PRR27: variants seen among roughly 807,000 people sequenced by gnomAD.
PRR27 encodes the protein proline-rich protein 27.
A neutral mutation model predicts 16.8 loss-of-function variants in PRR27; 12 were observed. The ratio of observed to expected loss-of-function variants is 0.71; its 90% CI spans 0.46 to 1.16. The LOEUF (loss-of-function observed/expected upper bound fraction) is 1.16. Among genes scored for constraint, PRR27 ranks in the 50% most tolerant of loss-of-function variants. The pLI is 0.00. For synonymous variants in PRR27, 100 were observed against 98.4 expected (o/e 1.02, Z -0.10); for missense variants, 277 against 273.3 (o/e 1.01, Z -0.10).
chr4:70,154,423 G>A lies in PRR27; in HGVS notation c.48G>A (p.Arg16=). 1.9e-6 allele frequency: 3 copies of A among 1,611,990 alleles called. No individual in the cohort carries two copies. The highest frequency in any genetic ancestry group is 1.3e-5 in the African/African-American group (1 of 74,986). Residue 16 remains arginine, a synonymous_variant, in exon 1 of 5, where the codon AGG becomes AGA. Transcript: ENST00000344526. ...GCATTGTATGTGTTGCTTTTGCAAG[G>A]AAGGTAAGTAAATGGACTTCCAAAA... ...WACIVCVAFA[R]KRRFPFIGED...
chr4:70,154,867 G>A (rs1217533959), intron 1 of PRR27: 14 of 776,074 alleles, frequency 1.8e-5, no homozygotes, highest in Admixed American at 2.4e-5. Flanking sequence ...GGACTGTAAC[G>A]TAATATAGTG....
At chr4:70,156,146 A>C in intron 2 of PRR27, 69 bp downstream of exon 2, 1 of 821,370 alleles carries the variant, frequency 1.2e-6, no homozygotes, top group Non-Finnish European at 1.8e-6. Context: ...ACATTTTAAA[A>C]CTCTCTGATT....
At position 70,158,531 on chromosome 4, in the gene PRR27, T is replaced by C; in HGVS notation, c.279T>C (p.Phe93=). The C allele has an allele frequency of 1.2e-6, 2 of 1,614,162 alleles. No individual in the cohort carries two copies. Among genetic ancestry groups the C allele is most frequent in the South Asian group, 1.1e-5 (1 of 91,088 alleles). Residue 93 remains phenylalanine, a synonymous_variant, in exon 3 of 5, where the codon TTT becomes TTC. Coordinates refer to ENST00000344526, the MANE Select transcript of PRR27 (RefSeq NM_214711.4). Reference sequence around the variant, plus strand: ...CCTATGTCTATCACATCCGTGGTTTTCCCTTAGCTACTCAGTTGAATGTTC... The same window carrying C: ...CCTATGTCTATCACATCCGTGGTTTCCCCTTAGCTACTCAGTTGAATGTTC... ...GFPYVYHIRG[F]PLATQLNVPP...
chr4:70,154,939 G>T, intron 1 of PRR27: 2 of 354,634 alleles, frequency 5.6e-6, no homozygotes, highest in South Asian at 2.6e-5. Context: ...CAAATCTGAT[G>T]GCAAATTCTT....
At chr4:70,161,674 A>T (rs1728653166) in intron 4 of PRR27, 44 bp downstream of exon 4, 3 of 916,990 alleles carry the variant, frequency 3.3e-6, no homozygotes, top group African/African-American at 1.7e-5. Flanking sequence ...ATAGATAAAG[A>T]GGTTAAATCT....
chr4:70,156,835 T>A (rs1578219154), intron 2 of PRR27, among the ~76,000 whole-genome samples: 1 of 151,830 alleles, frequency 6.6e-6, no homozygotes, highest in Admixed American at 6.6e-5. Flanking sequence ...TTGGAAATAA[T>A]GTTTTAAAAT....
In PRR27 at chr4:70,165,088, T is replaced by C. The variant is rs930255835; in HGVS notation, c.*2427T>C. The C allele has an allele frequency of 1.3e-5, 2 of 152,038 alleles. No individual in the cohort carries two copies. The highest frequency in any genetic ancestry group is 2.9e-5 in the Non-Finnish European group (2 of 67,940). 9.4% of individuals were successfully genotyped at this position (152,038 alleles called of 1,614,324 possible). A position where few individuals can be genotyped will look rare whatever the true frequency, so the allele number is the denominator to read the frequency against. On this transcript the variant is annotated 3_prime_UTR_variant, in exon 5 of 5. Coordinates refer to ENST00000344526, the MANE Select transcript of PRR27 (RefSeq NM_214711.4). ...CCTGACTACATTGAGATGAGTTAGA[T>C]TGAGTGAAAGGTAAACACTAACATT...
Sources: gnomAD v4.1 joint callset for allele counts (sites outside exome capture counted in the v4.1 genomes callset) on GRCh38, gnomAD v4.1.1 for gene constraint, MANE v1.5 for transcripts, NCBI Gene and HGNC (gene_info 2026-07-23, HGNC 2026-07-21) for gene names.